Variants in TNFSF11 observed in about 807,000 individuals in gnomAD.
The protein encoded by TNFSF11 is tumor necrosis factor ligand superfamily member 11.
Under a neutral mutation model 32.2 loss-of-function variants are expected in TNFSF11, and 12 were observed. That is an observed-to-expected ratio of 0.37 (90% CI 0.24 to 0.60). The LOEUF (loss-of-function observed/expected upper bound fraction) is 0.60, where lower values mean the gene tolerates loss of function less well. Ranked by LOEUF, TNFSF11 falls within the 20% of genes least tolerant of loss-of-function variation. The pLI is 0.66. For synonymous variants in TNFSF11, 172 were observed against 152.1 expected (o/e 1.13, Z -0.96); for missense variants, 345 against 398.0 (o/e 0.87, Z 1.13).
At chr13:42,576,193 G>A (rs1346122219) in intron 1 of TNFSF11, among the ~76,000 whole-genome samples, 2 of 152,242 alleles carry the variant, frequency 1.3e-5, no homozygotes, top group Non-Finnish European at 2.9e-5. Context: ...ATAGTGAAGA[G>A]AGTGTCCAAT....
intron 2 of TNFSF11, among the ~76,000 whole-genome samples, chr13:42,595,572 G>A (rs759231130): frequency 1.3e-4 from 20 of 152,168 alleles, no homozygotes; most frequent in Non-Finnish European, 2.2e-4. Context: ...ACTGTTTCTG[G>A]CTTCTGCTCC....
chr13:42,571,572 T>C (rs1873070088), upstream of TNFSF11: 1 of 152,162 alleles, frequency 6.6e-6, no homozygotes, highest in South Asian at 2.1e-4. Flanking sequence ...TCTCCCTATG[T>C]TCCCCAGGCT....
intron 1 of TNFSF11, among the ~76,000 whole-genome samples, chr13:42,577,653 C>T (rs1282172273): frequency 6.6e-6 from 1 of 152,122 alleles, no homozygotes; most frequent in Non-Finnish European, 1.5e-5. Flanking sequence ...CTTTTAACTT[C>T]TTCCCTCGAT....
intron 4 of TNFSF11, among the ~76,000 whole-genome samples, chr13:42,601,916 C>T (rs1055775559): frequency 2.6e-5 from 4 of 152,172 alleles, no homozygotes; most frequent in African/African-American, 7.2e-5. Flanking sequence ...GTCATTTGTT[C>T]CCAGTCATGA....
chr13:42,583,417 T>TAAAAAAAAAAAAAA (rs71747752), intron 2 of TNFSF11, among the ~76,000 whole-genome samples: 27 of 24,410 alleles, frequency 1.1e-3, no homozygotes, highest in Non-Finnish European at 1.2e-3. Context: ...AAGACCCTGC[T>TAAAAAAAAAAAAAA]AAAAAAAAAA....
chr13:42,578,708 T>C (rs554326220), intron 1 of TNFSF11, among the ~76,000 whole-genome samples: 10 of 152,106 alleles, frequency 6.6e-5, no homozygotes, highest in Non-Finnish European at 1.3e-4. Flanking sequence ...CTTAGGGATG[T>C]TGATGAAATT....
intron 2 of TNFSF11, among the ~76,000 whole-genome samples, chr13:42,587,450 T>C (rs550974391): frequency 1.3e-5 from 2 of 152,330 alleles, no homozygotes; most frequent in African/African-American, 4.8e-5. Context: ...GAAGGAGGAC[T>C]CACCATATAT....
chr13:42,583,444 G>GAAAAAAAACA (rs71202227), intron 2 of TNFSF11, among the ~76,000 whole-genome samples: 2 of 95,632 alleles, frequency 2.1e-5, no homozygotes, highest in East Asian at 5.8e-4. Flanking sequence ...AAAAAGAAAG[G>GAAAAAAAACA]AAGAAAGGAA....
intron 2 of TNFSF11, 56 bp from the exon 3 acceptor site, chr13:42,600,695 AT>A (rs1331236807): frequency 1.3e-6 from 2 of 1,527,344 alleles, no homozygotes; most frequent in Non-Finnish European, 1.8e-6. Flanking sequence ...CTGAATTCTT[AT>A]TGCTTTACAG....
At chr13:42,580,197 A>G (rs894480005) in intron 1 of TNFSF11, among the ~76,000 whole-genome samples, 2 of 152,256 alleles carry the variant, frequency 1.3e-5, no homozygotes, top group African/African-American at 4.8e-5. Context: ...ATTAAAACAG[A>G]TGATAGCTAA....
chr13:42,573,383 T>C (rs1394637541), upstream of TNFSF11, among the ~76,000 whole-genome samples: 3 of 152,134 alleles, frequency 2.0e-5, no homozygotes, highest in Non-Finnish European at 4.4e-5. Flanking sequence ...TGAATAGAGG[T>C]TTTTAAAAAG....
chr13:42,605,452 G>A (rs1275506606), intron 4 of TNFSF11, among the ~76,000 whole-genome samples: 1 of 152,178 alleles, frequency 6.6e-6, no homozygotes, highest in East Asian at 1.9e-4. Context: ...TTGAACAATA[G>A]TGTCCACATC....
intron 4 of TNFSF11, among the ~76,000 whole-genome samples, chr13:42,605,145 T>C (rs181542241): frequency 6.6e-6 from 1 of 152,344 alleles, no homozygotes; most frequent in Non-Finnish European, 1.5e-5. Flanking sequence ...CTGTCAGTTT[T>C]GATGGATCTC....
intron 2 of TNFSF11, among the ~76,000 whole-genome samples, chr13:42,592,184 T>C (rs1419675690): frequency 6.6e-6 from 1 of 152,218 alleles, no homozygotes; most frequent in East Asian, 1.9e-4. Context: ...ATTATGATAC[T>C]AACTATTGGG....
chr13:42,593,120 C>T (rs1378311349), intron 2 of TNFSF11, among the ~76,000 whole-genome samples: 1 of 152,216 alleles, frequency 6.6e-6, no homozygotes, highest in African/African-American at 2.4e-5. Context: ...CCAAGGGTCA[C>T]ATCATTAGCA....
intron 1 of TNFSF11, among the ~76,000 whole-genome samples, chr13:42,564,361 A>T (rs2137839846): frequency 6.6e-6 from 1 of 152,286 alleles, no homozygotes; most frequent in African/African-American, 2.4e-5. Context: ...TGAGGTCAGG[A>T]GTTCGAGACC....
chr13:42,594,460 C>T (rs796244844), intron 2 of TNFSF11, among the ~76,000 whole-genome samples: 1 of 151,988 alleles, frequency 6.6e-6, no homozygotes, highest in South Asian at 2.1e-4. Flanking sequence ...AACATTCTCT[C>T]CTGAATTGGA....
intron 2 of TNFSF11, among the ~76,000 whole-genome samples, chr13:42,593,063 A>G (rs1420994527): frequency 6.6e-6 from 1 of 152,206 alleles, no homozygotes; most frequent in African/African-American, 2.4e-5. Flanking sequence ...GAAAGATCCA[A>G]TCTTCTAATC....
rs191145625 is a variant in TNFSF11 at position 42,601,056 on chromosome 13, T to C, written c.532+75T>C. 86 of 1,531,546 alleles carry C rather than the reference T, an allele frequency of 5.6e-5. 1 individual carries two copies. In the African/African-American group the frequency reaches 9.9e-4, roughly 18 times the overall value. The allele number at this position is 1,531,546 out of a possible 1,614,324, so 94.9% of individuals were successfully genotyped here. A position where few individuals can be genotyped will look rare whatever the true frequency, so the allele number is the denominator to read the frequency against. Reference sequence around the variant, plus strand: ...CAGCCCATTTCAATACTGAAACCTATTTTTAGTCTGTCACTGAATTTTTGA... The same window carrying C: ...CAGCCCATTTCAATACTGAAACCTACTTTTAGTCTGTCACTGAATTTTTGA... On this transcript the variant is annotated intron_variant, in intron 4 of 4. Transcript: ENST00000398795.
Sources: gnomAD v4.1 joint callset for allele counts (sites outside exome capture counted in the v4.1 genomes callset) on GRCh38, gnomAD v4.1.1 for gene constraint, MANE v1.5 for transcripts, NCBI Gene and HGNC (gene_info 2026-07-23, HGNC 2026-07-21) for gene names.